The following RFC1 variants were observed in gnomAD, a reference collection of about 807,000 sequenced individuals.
The protein encoded by RFC1 is A1 140 kDa subunit.
A neutral mutation model predicts 137.4 loss-of-function variants in RFC1; 37 were observed. The ratio of observed to expected loss-of-function variants is 0.27; its 90% CI spans 0.21 to 0.35. RFC1 has a LOEUF of 0.35. RFC1 is among the 10% of genes least tolerant of loss of function. RFC1 has a pLI of 1.00. For missense variants in RFC1, 1,205 were observed against 1,358.5 expected (o/e 0.89, Z 1.78); for synonymous variants, 429 against 455.7 (o/e 0.94, Z 0.75).
At chr4:39,316,307 A>G (rs1456138548) in intron 10 of RFC1, among the ~76,000 whole-genome samples, 1 of 151,806 alleles carries the variant, frequency 6.6e-6, no homozygotes, top group Non-Finnish European at 1.5e-5. Flanking sequence ...GATCCTATTA[A>G]CCTCTTTGGC....
chr4:39,358,500 G>C (rs933348162), intron 1 of RFC1, among the ~76,000 whole-genome samples: 1 of 152,074 alleles, frequency 6.6e-6, no homozygotes, highest in African/African-American at 2.4e-5. Context: ...TCTAATATTT[G>C]TGGAAAACGC....
rs1014818840 is a variant in RFC1 at position 39,351,282 on chromosome 4, A to C, written c.132+66T>G. On this transcript the variant is annotated intron_variant, in intron 2 of 24. Transcript: ENST00000349703. ...AAAAAAAAAAAAAAAAAAAAAAAAA[A>C]AAACTTATAAGAACTGAGTTTATTT... 12 of 535,174 alleles carry C rather than the reference A, an allele frequency of 2.2e-5. No homozygotes were observed. In the African/African-American group the frequency reaches 2.3e-4, roughly 10 times the overall value. 33.2% of individuals were successfully genotyped at this position (535,174 alleles called of 1,614,324 possible).
chr4:39,353,873 A>C (rs1238341116), intron 1 of RFC1, among the ~76,000 whole-genome samples: 5 of 152,220 alleles, frequency 3.3e-5, no homozygotes, highest in Non-Finnish European at 7.3e-5. Flanking sequence ...TGGTTAAAGC[A>C]AGTGGTGGTT....
At chr4:39,304,491 G>C (rs183828404) in intron 15 of RFC1, among the ~76,000 whole-genome samples, 41 of 152,286 alleles carry the variant, frequency 2.7e-4, no homozygotes, top group Admixed American at 9.1e-4. Context: ...ATAAGGTAAT[G>C]AGGTAATAAG....
intron 9 of RFC1, among the ~76,000 whole-genome samples, 177 bp downstream of exon 9, chr4:39,320,206 A>G (rs1000066643): frequency 7.9e-5 from 12 of 151,984 alleles, no homozygotes; most frequent in African/African-American, 2.9e-4. Flanking sequence ...AAAATTAGCC[A>G]GGCATGGTGG....
intron 11 of RFC1, 120 bp from the exon 12 acceptor site, chr4:39,311,669 A>G (rs922965666): frequency 2.6e-5 from 16 of 616,068 alleles, no homozygotes; most frequent in Non-Finnish European, 2.5e-5. Context: ...GTAAATTAAG[A>G]TAACACTGGA....
At chr4:39,325,662 C>A (rs1464734301) in intron 6 of RFC1, among the ~76,000 whole-genome samples, 2 of 152,144 alleles carry the variant, frequency 1.3e-5, no homozygotes, top group Non-Finnish European at 2.9e-5. Flanking sequence ...GGATTACAGG[C>A]ATGAGCCACC....
intron 15 of RFC1, among the ~76,000 whole-genome samples, chr4:39,304,422 T>C (rs1738526540): frequency 6.6e-6 from 1 of 152,238 alleles, no homozygotes. Flanking sequence ...CTTCATCTGC[T>C]GGCCTTATTA....
chr4:39,308,887 T>G lies in RFC1; in HGVS notation c.1634A>C (p.Glu545Ala). ...RDSLAKTIKK[E>A]TDVFWKSLDF... ...CAGGCTTTTCCAAAACACATCTGTT[T>G]CCTTTTTTATTGTCTTTGCCAAACT... Residue 545 changes from glutamate (E) to alanine (A), a missense_variant, in exon 13 of 25, where the codon GAA (glutamate) becomes GCA (alanine). Physicochemically the swap from Glu to Ala is moderately radical, Grantham distance 107. This residue lies in a region of RFC1 where 962 missense variants were observed against 1,035.3 expected (regional missense o/e 0.93). Transcript: ENST00000349703. 1 of 1,614,216 alleles carries G rather than the reference T, an allele frequency of 6.2e-7. No homozygotes were observed. Among genetic ancestry groups the G allele is most frequent in the South Asian group, 1.1e-5 (1 of 91,084 alleles).
In RFC1 at chr4:39,288,781, C is replaced by T; in HGVS notation, c.3424G>A (p.Gly1142Arg). 3.1e-6 allele frequency: 5 copies of T among 1,611,448 alleles called. No homozygotes were observed. In the South Asian group the frequency reaches 4.4e-5, roughly 14 times the overall value. ...TGGTTTCATTTCTTCGAACTTTTTCCTTTTCCTTTTCTGGGCTCCTTATCT... is the reference window on the plus strand; with the variant it reads ...TGGTTTCATTTCTTCGAACTTTTTCTTTTTCCTTTTCTGGGCTCCTTATCT... ...EKDKEPRKGK[G>R]KSSKK The change falls in exon 25 of 25, where the codon GGA becomes AGA. Residue 1142 changes from glycine to arginine, a missense_variant. Physicochemically the swap from Gly to Arg is moderately radical, Grantham distance 125. Transcript: ENST00000349703.
At chr4:39,359,555 G>A (rs146733564) in intron 1 of RFC1, among the ~76,000 whole-genome samples, 19 of 152,270 alleles carry the variant, frequency 1.2e-4, no homozygotes, top group Admixed American at 1.3e-4. Flanking sequence ...ATACGTGGTC[G>A]CTCAAGCCTG....
intron 19 of RFC1, among the ~76,000 whole-genome samples, chr4:39,300,647 C>G (rs779104787): frequency 6.6e-6 from 1 of 152,180 alleles, no homozygotes; most frequent in Non-Finnish European, 1.5e-5. Flanking sequence ...AAAATCTGCA[C>G]AGGATGTTTA....
In RFC1 at chr4:39,300,420, A is replaced by G. The variant is rs1333437070; in HGVS notation, c.2536-6T>C. On this transcript the variant is annotated splice_polypyrimidine_tract_variant and splice_region_variant and intron_variant, in intron 19 of 24. Transcript: ENST00000349703. ...CGGGCAACATCAAATGGGCCCTGAA[A>G]AAAGAGAGGGACACACCTATTAGAA... 1.2e-6 allele frequency: 2 copies of G among 1,612,844 alleles called. No individual in the cohort carries two copies. The highest frequency in any genetic ancestry group is 2.2e-5 in the South Asian group (2 of 91,002).
chr4:39,359,821 CAA>C (rs1220382587), intron 1 of RFC1, among the ~76,000 whole-genome samples: 20 of 70,490 alleles, frequency 2.8e-4, no homozygotes, highest in Admixed American at 6.8e-4. Flanking sequence ...GACTCTGTCT[CAA>C]AAAAAAAAAA....
intron 14 of RFC1, 97 bp from the exon 15 acceptor site, chr4:39,305,025 T>G: frequency 1.3e-6 from 1 of 763,320 alleles, no homozygotes; most frequent in Middle Eastern, 2.3e-4. Flanking sequence ...AGGTACAAAA[T>G]TAATATAAAA....
chr4:39,354,581 G>C (rs756938531), intron 1 of RFC1, among the ~76,000 whole-genome samples: 16 of 151,846 alleles, frequency 1.1e-4, no homozygotes, highest in Non-Finnish European at 1.0e-4. Flanking sequence ...CCTAAAGAAA[G>C]GCAGATTTTA....
At chr4:39,326,885 C>T (rs1739796859) in intron 5 of RFC1, among the ~76,000 whole-genome samples, 1 of 151,996 alleles carries the variant, frequency 6.6e-6, no homozygotes. Context: ...AAGAGAAGTA[C>T]CAAAAATAAA....
Position 39,302,284 on chromosome 4 carries a change from G to C in RFC1, c.2529C>G (p.Ile843Met). 6.2e-7 allele frequency: 1 copy of C among 1,600,936 alleles called. No homozygotes were observed. The highest frequency in any genetic ancestry group is 8.6e-7 in the Non-Finnish European group (1 of 1,168,088). Residue 843 changes from isoleucine to methionine, a missense_variant, in exon 19 of 25, where the codon ATC (isoleucine) becomes ATG (methionine). By Grantham distance (10) the Ile-to-Met change is conservative. Coordinates refer to ENST00000349703, the MANE Select transcript of RFC1 (RefSeq NM_002913.5). ...KADSHRAKKD[I>M]KMGPFDVARK... ...ACATGGACATTTATTTTACCATTTT[G>C]ATATCCTTTTTGGCTCTGTGAGAAT...
Position 39,342,473 on chromosome 4 carries a change from T to A in RFC1, c.209-6A>T, listed in dbSNP as rs199870202. On this transcript the variant is annotated splice_polypyrimidine_tract_variant and splice_region_variant and intron_variant, in intron 3 of 24. Coordinates refer to ENST00000349703, the MANE Select transcript of RFC1 (RefSeq NM_002913.5). ...CGTCTCCTCTGACTCTGAATCTGTA[T>A]GTGAGAGAAAAATAAAACAAAACTT... The A allele has an allele frequency of 4.4e-4, 702 of 1,610,204 alleles. 5 individuals carry two copies. In the African/African-American group the frequency reaches 8.7e-3, roughly 20 times the overall value.
Sources: allele counts gnomAD v4.1 joint callset (sites outside exome capture counted in the v4.1 genomes callset), GRCh38; gene constraint gnomAD v4.1.1; regional missense constraint gnomAD v4.1.1; transcripts MANE v1.5; gene names NCBI Gene and HGNC (gene_info 2026-07-23, HGNC 2026-07-21).